The following DLGAP1 variants were observed in gnomAD, a reference collection of about 807,000 sequenced individuals.
DLGAP1 encodes the protein DLG associated protein 1.
DLGAP1 carries 11 observed loss-of-function variants against 90.8 expected under a neutral mutation model. The observed-to-expected ratio is 0.12, with a 90% confidence interval of 0.08 to 0.20. The LOEUF (loss-of-function observed/expected upper bound fraction) is 0.20, where lower values mean the gene tolerates loss of function less well. Among genes scored for constraint, DLGAP1 ranks in the 10% least tolerant of loss-of-function variants. The pLI is 1.00. For synonymous variants in DLGAP1, 558 were observed against 540.7 expected (o/e 1.03, Z -0.44); for missense variants, 1,050 against 1,333.8 (o/e 0.79, Z 3.31).
chr18:3,745,850 C>T (rs557872122), intron 5 of DLGAP1, among the ~76,000 whole-genome samples: 1 of 152,114 alleles, frequency 6.6e-6, no homozygotes, highest in East Asian at 1.9e-4. Flanking sequence ...CCATCAAGCC[C>T]AGCTAATTTT....
intron 3 of DLGAP1, among the ~76,000 whole-genome samples, chr18:3,927,472 T>C (rs1356008495): frequency 6.6e-6 from 1 of 152,236 alleles, no homozygotes; most frequent in African/African-American, 2.4e-5. Flanking sequence ...ATATAATATA[T>C]GGCTGTTGTG....
Position 4,208,775 on chromosome 18 carries a change from G to A in DLGAP1, c.-266-57488C>T, listed in dbSNP as rs548401867. On this transcript the variant is annotated intron_variant, in intron 1 of 12. Transcript: ENST00000315677. Reference sequence around the variant, plus strand: ...ACAGAGGGAGAGGGAGAAAGAGAGAGGGAGAGAGGAAAAGGGAGAAGGAGA... The same window carrying A: ...ACAGAGGGAGAGGGAGAAAGAGAGAAGGAGAGAGGAAAAGGGAGAAGGAGA... 7.2e-5 allele frequency among the ~76,000 whole-genome samples: 11 copies of A among 152,158 alleles called. 1 individual carries two copies. In the South Asian group the frequency reaches 2.1e-3, roughly 29 times the overall value.
At chr18:3,622,110 C>CT (rs796466754) in intron 7 of DLGAP1, among the ~76,000 whole-genome samples, 6,328 of 145,752 alleles carry the variant, frequency 0.043, 389 homozygotes, top group African/African-American at 0.14. Context: ...TAAGCTGATT[C>CT]TTTTTTTTTT....
At chr18:3,768,137 A>G (rs2064341462) in intron 5 of DLGAP1, among the ~76,000 whole-genome samples, 1 of 152,188 alleles carries the variant, frequency 6.6e-6, no homozygotes. Context: ...TACAAAAATC[A>G]GTTGTATTTC....
chr18:4,360,457 C>G (rs903973195), intron 1 of DLGAP1, among the ~76,000 whole-genome samples: 1 of 152,072 alleles, frequency 6.6e-6, no homozygotes, highest in South Asian at 2.1e-4. Flanking sequence ...GTGGAACTCA[C>G]GAAAGTGAAA....
chr18:3,742,614 G>C, intron 5 of DLGAP1, 102 bp from the exon 6 acceptor site: 1 of 1,332,362 alleles, frequency 7.5e-7, no homozygotes, highest in Non-Finnish European at 1.0e-6. Flanking sequence ...TAAATACTGG[G>C]ACAAATGACA....
intron 4 of DLGAP1, among the ~76,000 whole-genome samples, chr18:3,869,181 A>G (rs2070589015): frequency 6.6e-6 from 1 of 151,158 alleles, no homozygotes; most frequent in African/African-American, 2.4e-5. Flanking sequence ...CTGTATGAAT[A>G]CACTAAAGCT....
chr18:3,592,607 A>C (rs2056312805), intron 7 of DLGAP1, among the ~76,000 whole-genome samples: 1 of 152,082 alleles, frequency 6.6e-6, no homozygotes, highest in Non-Finnish European at 1.5e-5. Flanking sequence ...GGGAGGCTGA[A>C]GCATAAGGAT....
chr18:4,000,744 T>C (rs143551438), intron 3 of DLGAP1, among the ~76,000 whole-genome samples: 2 of 152,356 alleles, frequency 1.3e-5, no homozygotes, highest in African/African-American at 4.8e-5. Flanking sequence ...ACCATTGTCT[T>C]CTGGCACAAA....
chr18:3,685,562 T>TGAA (rs2060670853), intron 7 of DLGAP1, among the ~76,000 whole-genome samples: 1 of 29,306 alleles, frequency 3.4e-5, no homozygotes, highest in African/African-American at 2.0e-4. Context: ...AGATTCCGTC[T>TGAA]CAAAAAAAAA....
At chr18:3,656,660 G>A (rs953552034) in intron 7 of DLGAP1, among the ~76,000 whole-genome samples, 1 of 152,102 alleles carries the variant, frequency 6.6e-6, no homozygotes, top group Non-Finnish European at 1.5e-5. Context: ...GAGAGTGAAC[G>A]GGTTATCTGA....
chr18:3,820,503 T>C (rs1393686024), intron 4 of DLGAP1, among the ~76,000 whole-genome samples: 2 of 152,228 alleles, frequency 1.3e-5, no homozygotes, highest in Non-Finnish European at 2.9e-5. Flanking sequence ...GATAGGCTTC[T>C]ATTTGCACAG....
intron 3 of DLGAP1, among the ~76,000 whole-genome samples, chr18:3,942,051 T>A (rs369414686): frequency 6.6e-6 from 1 of 152,162 alleles, no homozygotes; most frequent in African/African-American, 2.4e-5. Flanking sequence ...AATCACCAGG[T>A]CTTTCTTAGG....
chr18:4,249,046 C>A (rs969333727), intron 1 of DLGAP1, among the ~76,000 whole-genome samples: 3 of 152,196 alleles, frequency 2.0e-5, no homozygotes, highest in African/African-American at 7.2e-5. Context: ...CCTTGCTCAG[C>A]GAGGCTGTAC....
intron 6 of DLGAP1, among the ~76,000 whole-genome samples, chr18:3,731,803 A>G (rs2062441747): frequency 6.6e-6 from 1 of 152,148 alleles, no homozygotes; most frequent in Admixed American, 6.6e-5. Context: ...ATAAATATAG[A>G]ACTTAATGAA....
At chr18:4,154,682 T>TA (rs1204464964) in intron 1 of DLGAP1, among the ~76,000 whole-genome samples, 3 of 152,170 alleles carry the variant, frequency 2.0e-5, no homozygotes, top group Admixed American at 1.3e-4. Flanking sequence ...ATCTGACTCT[T>TA]ACAAAGTTTC....
chr18:4,085,119 G>A (rs1326384797), intron 2 of DLGAP1, among the ~76,000 whole-genome samples: 1 of 152,104 alleles, frequency 6.6e-6, no homozygotes, highest in East Asian at 1.9e-4. Flanking sequence ...GGCAGGACAG[G>A]CAGTCTTGGT....
At chr18:3,606,421 T>C (rs2057328861) in intron 7 of DLGAP1, 1 of 151,242 alleles carries the variant, frequency 6.6e-6, no homozygotes, top group African/African-American at 2.4e-5. Context: ...GAGTAGTAAG[T>C]CAAACAGAAA....
intron 5 of DLGAP1, among the ~76,000 whole-genome samples, chr18:3,805,189 T>C (rs2066508133): frequency 6.6e-6 from 1 of 152,212 alleles, no homozygotes; most frequent in African/African-American, 2.4e-5. Flanking sequence ...CACTGCACCT[T>C]CTCGAATCTG....
Sources: allele counts gnomAD v4.1 joint callset (sites outside exome capture counted in the v4.1 genomes callset), GRCh38; gene constraint gnomAD v4.1.1; transcripts MANE v1.5; gene names NCBI Gene and HGNC (gene_info 2026-07-23, HGNC 2026-07-21).